Variants in CCDC73 observed in about 807,000 individuals in gnomAD.
The protein encoded by CCDC73 is coiled-coil domain-containing protein 73.
A neutral mutation model predicts 116.5 loss-of-function variants in CCDC73; 95 were observed. The ratio of observed to expected loss-of-function variants is 0.82; its 90% confidence interval spans 0.69 to 0.97. The LOEUF (loss-of-function observed/expected upper bound fraction) is 0.97. CCDC73 is among the 50% of genes least tolerant of loss of function. The probability of loss-of-function intolerance (pLI) is 0.00; values close to 1 mark genes in which losing one functional copy is unlikely to be tolerated. For missense variants in CCDC73, 1,066 were observed against 1,206.8 expected, an observed-to-expected ratio of 0.88 and a Z score of 1.73; for synonymous variants, 398 against 401.3, an observed-to-expected ratio of 0.99 and a Z score of 0.10.
chr11:32,636,246 A>G (rs1429224615), intron 13 of CCDC73, among the ~76,000 whole-genome samples: 4 of 152,152 alleles, frequency 2.6e-5, no homozygotes, highest in Non-Finnish European at 2.9e-5. Context: ...AAATTCATAA[A>G]TAAGAATTTA....
chr11:32,684,154 C>T (rs1351805948), intron 6 of CCDC73, among the ~76,000 whole-genome samples: 1 of 152,146 alleles, frequency 6.6e-6, no homozygotes, highest in Admixed American at 6.5e-5. Flanking sequence ...CTCAAGCAAT[C>T]CTCCTGCTAC....
intron 3 of CCDC73, among the ~76,000 whole-genome samples, chr11:32,715,381 C>G (rs553598528): frequency 2.4e-4 from 37 of 152,148 alleles, no homozygotes; most frequent in Admixed American, 8.5e-4. Flanking sequence ...TAGTGTTTTT[C>G]CACGTTGGTG....
chr11:32,684,905 C>T (rs1415347190), intron 6 of CCDC73, among the ~76,000 whole-genome samples: 3 of 152,004 alleles, frequency 2.0e-5, no homozygotes, highest in East Asian at 1.9e-4. Context: ...TGCTTGAGCC[C>T]GGGGGGTGGA....
chr11:32,661,816 T>A (rs1855930376), intron 9 of CCDC73, among the ~76,000 whole-genome samples: 2 of 151,880 alleles, frequency 1.3e-5, no homozygotes, highest in African/African-American at 4.8e-5. Context: ...ATATATCTCC[T>A]AATGCTATCC....
Position 32,675,571 on chromosome 11 carries a change from T to C in CCDC73, c.639A>G (p.Leu213=). Residue 213 remains leucine, a synonymous_variant, in exon 9 of 18, where the codon TTA becomes TTG. Coordinates refer to ENST00000335185, the MANE Select transcript of CCDC73 (RefSeq NM_001008391.4). ...NKKQEAEICS[L]KKELKKAASD... Reference sequence around the variant, plus strand: ...GAAACTGTATCAATCATACCTTCTTTAAACTGCATATTTCAGCTTCTTGTT... The same window carrying C: ...GAAACTGTATCAATCATACCTTCTTCAAACTGCATATTTCAGCTTCTTGTT... 1 of 1,567,126 alleles carries C rather than the reference T, an allele frequency of 6.4e-7. No homozygotes were observed. Among genetic ancestry groups the C allele is most frequent in the Non-Finnish European group, 8.7e-7 (1 of 1,151,460 alleles).
intron 9 of CCDC73, among the ~76,000 whole-genome samples, chr11:32,664,345 C>A (rs1460184547): frequency 2.0e-5 from 3 of 152,130 alleles, no homozygotes; most frequent in Non-Finnish European, 2.9e-5. Context: ...TTAATTACTA[C>A]CTCAATTTCA....
intron 1 of CCDC73, among the ~76,000 whole-genome samples, chr11:32,776,965 A>G (rs1850539333): frequency 7.8e-6 from 1 of 127,394 alleles, no homozygotes; most frequent in Non-Finnish European, 1.6e-5. Context: ...ATATATACAC[A>G]CACACACATA....
intron 15 of CCDC73, 116 bp downstream of exon 15, chr11:32,615,824 C>T: frequency 1.0e-6 from 1 of 993,414 alleles, no homozygotes. Flanking sequence ...AAACCAGAAT[C>T]CAAAAAGACT....
chr11:32,828,993 G>A, the CCDC73 span, among the ~76,000 whole-genome samples: 4 of 152,196 alleles, frequency 2.6e-5, no homozygotes, highest in African/African-American at 9.7e-5. Context: ...AAAAGCAGTA[G>A]CCAAGAGAGT....
chr11:32,781,263 T>C (rs1193289799), intron 1 of CCDC73, among the ~76,000 whole-genome samples: 1 of 152,240 alleles, frequency 6.6e-6, no homozygotes, highest in Non-Finnish European at 1.5e-5. Flanking sequence ...CAGTGGTATT[T>C]AGTTCCACTC....
intron 2 of CCDC73, among the ~76,000 whole-genome samples, chr11:32,735,540 C>T (rs1286187093): frequency 2.0e-5 from 3 of 152,046 alleles, no homozygotes; most frequent in East Asian, 3.9e-4. Context: ...ACATTCCATG[C>T]TCATGGATAG....
upstream of CCDC73, among the ~76,000 whole-genome samples, chr11:32,797,934 G>A (rs188176559): frequency 1.3e-5 from 2 of 152,272 alleles, no homozygotes; most frequent in African/African-American, 2.4e-5. Flanking sequence ...GAGCACCAAC[G>A]TGATGCTACA....
rs1430812076 is a variant in CCDC73 at position 32,755,885 on chromosome 11, ATATATCTCCATATATATC to A, written c.135+4206_135+4223del. 1.5e-4 allele frequency among the ~76,000 whole-genome samples: 17 copies of A among 113,040 alleles called. 2 individuals are homozygous for A. The highest frequency in any genetic ancestry group is 5.8e-4 in the South Asian group (2 of 3,476). 74.2% of individuals were successfully genotyped at this position (113,040 alleles called of 152,430 possible). On this transcript the variant is annotated intron_variant, in intron 2 of 17. Transcript: ENST00000335185. ...TATATCTCCATATATATATCTGTGT[ATATATCTCCATATATATC>A]TATATATATCTCCATATATATATCT... is the stretch of plus-strand genomic sequence containing the variant.
intron 7 of CCDC73, among the ~76,000 whole-genome samples, chr11:32,678,428 T>C (rs1856111327): frequency 2.0e-5 from 3 of 152,210 alleles, no homozygotes; most frequent in South Asian, 4.1e-4. Context: ...TTTATAATAG[T>C]ATTTCACTCA....
chr11:32,639,200 G>C (rs923246868), intron 13 of CCDC73, among the ~76,000 whole-genome samples: 2 of 149,630 alleles, frequency 1.3e-5, no homozygotes, highest in Non-Finnish European at 2.9e-5. Context: ...CCAAATTCTA[G>C]GGTCATCTTT....
chr11:32,745,211 A>T (rs113766213), intron 2 of CCDC73, among the ~76,000 whole-genome samples: 4,205 of 152,116 alleles, frequency 0.028, 182 homozygotes, highest in African/African-American at 0.094. Context: ...GTAGTTGAGC[A>T]GTTTTGAGTG....
In CCDC73 at chr11:32,654,006, T is replaced by A. The variant is rs551110110; in HGVS notation, c.806A>T (p.Glu269Val). ...TTTTTCTTCTTGAATATGGGTAATC[T>A]CTTCATTAATCTTCTCATTTAATTC... ...ELELNEKINE[E>V]ITHIQEEKQD... The change falls in exon 11 of 18, where the codon GAG (glutamate) becomes GTG (valine). Residue 269 changes from glutamate to valine, a missense_variant. Coordinates refer to ENST00000335185, the MANE Select transcript of CCDC73 (RefSeq NM_001008391.4). 4.4e-6 allele frequency: 7 copies of A among 1,598,966 alleles called. No homozygotes were observed. The South Asian group carries it at 7.8e-5, about 18-fold the overall frequency.
the CCDC73 span, among the ~76,000 whole-genome samples, chr11:32,804,068 C>A: frequency 6.6e-6 from 1 of 152,120 alleles, no homozygotes; most frequent in Non-Finnish European, 1.5e-5. Context: ...CCTCGGCCTC[C>A]CAAAATACTG....
intron 1 of CCDC73, among the ~76,000 whole-genome samples, chr11:32,781,290 G>T (rs1850581597): frequency 6.6e-6 from 1 of 152,190 alleles, no homozygotes; most frequent in Non-Finnish European, 1.5e-5. Context: ...AATGACAGTG[G>T]TGATTTAAGG....
Sources: gnomAD v4.1 joint callset for allele counts (sites outside exome capture counted in the v4.1 genomes callset) on GRCh38, gnomAD v4.1.1 for gene constraint, MANE v1.5 for transcripts, NCBI Gene and HGNC (gene_info 2026-07-23, HGNC 2026-07-21) for gene names.